POC1B: variants seen among roughly 807,000 people sequenced by gnomAD.
POC1B encodes the protein POC1 centriolar protein B.
POC1B carries 44 observed loss-of-function variants against 60.6 expected under a neutral mutation model. The observed-to-expected ratio is 0.73, with a 90% CI of 0.57 to 0.93. The LOEUF is 0.93. POC1B is among the 40% of genes least tolerant of loss of function. POC1B has a pLI of 0.00. For missense variants in POC1B, 555 were observed against 572.3 expected (o/e 0.97, Z 0.31); for synonymous variants, 180 against 198.9 (o/e 0.90, Z 0.80).
downstream of POC1B, among the ~76,000 whole-genome samples, chr12:89,416,482 G>A (rs1164145472): frequency 3.3e-5 from 5 of 152,180 alleles, no homozygotes; most frequent in South Asian, 2.1e-4. Context: ...AGGCATGCTC[G>A]GAAAATAACC....
At chr12:89,422,106 A>G (rs1441209977) in intron 11 of POC1B, among the ~76,000 whole-genome samples, 1 of 152,078 alleles carries the variant, frequency 6.6e-6, no homozygotes, top group African/African-American at 2.4e-5. Context: ...CACAAGGTAC[A>G]TGTGTTATTT....
At chr12:89,500,849 T>C in intron 2 of POC1B, 6 of 1,058,304 alleles carry the variant, frequency 5.7e-6, no homozygotes, top group Non-Finnish European at 8.5e-6. Flanking sequence ...GAATACGACA[T>C]TCAGAATATG....
At chr12:89,480,603 T>A (rs868849960) in intron 4 of POC1B, among the ~76,000 whole-genome samples, 1 of 138,406 alleles carries the variant, frequency 7.2e-6, no homozygotes, top group Admixed American at 7.2e-5. Context: ...GTATTTTTTT[T>A]TTTTTTTTTT....
rs902293817 is a variant in POC1B at position 89,526,047 on chromosome 12, C to A, written c.-152G>T. ...GTCACTACAACAACGGCGGCCCAGT[C>A]AAACCCCGCGCTCCAGGCATGGCCA... is the stretch of plus-strand genomic sequence containing the variant. On this transcript the variant is annotated 5_prime_UTR_variant, in exon 1 of 12. Coordinates refer to ENST00000313546, the MANE Select transcript of POC1B (RefSeq NM_172240.3). 2.0e-6 allele frequency: 3 copies of A among 1,533,634 alleles called. No homozygotes were observed. Among genetic ancestry groups the A allele is most frequent in the South Asian group, 1.2e-5 (1 of 83,558 alleles).
At chr12:89,498,146 T>C (rs1052891165) in intron 2 of POC1B, among the ~76,000 whole-genome samples, 15 of 152,234 alleles carry the variant, frequency 9.9e-5, no homozygotes, top group African/African-American at 3.6e-4. Flanking sequence ...GATCCAATAA[T>C]ACTTTTATAG....
chr12:89,402,958 G>A, the POC1B span, among the ~76,000 whole-genome samples: 8 of 149,364 alleles, frequency 5.4e-5, no homozygotes, highest in Non-Finnish European at 7.4e-5. Flanking sequence ...CCTCTGCCTC[G>A]CACAGTGCTG....
intron 2 of POC1B, chr12:89,520,240 GAATT>G (rs1870733191): frequency 6.6e-6 from 1 of 152,018 alleles, no homozygotes. Context: ...AGTCAATAAA[GAATT>G]AAGGTACTTT....
chr12:89,450,956 A>G (rs1409753269), intron 10 of POC1B, among the ~76,000 whole-genome samples: 3 of 152,210 alleles, frequency 2.0e-5, no homozygotes, highest in Non-Finnish European at 4.4e-5. Flanking sequence ...TGTAAATGCT[A>G]AAAGGGAGCT....
chr12:89,431,836 A>C (rs1881043515), intron 10 of POC1B, among the ~76,000 whole-genome samples: 1 of 152,190 alleles, frequency 6.6e-6, no homozygotes, highest in Non-Finnish European at 1.5e-5. Context: ...TGCAAGTCCA[A>C]AACAGGATTA....
intron 4 of POC1B, among the ~76,000 whole-genome samples, chr12:89,490,335 T>C (rs1233532798): frequency 3.3e-5 from 5 of 152,038 alleles, no homozygotes; most frequent in African/African-American, 1.2e-4. Context: ...TTGTTGTTGT[T>C]GTTGTTTGTT....
chr12:89,425,423 CT>C lies in POC1B; in HGVS notation c.1114-45del, dbSNP rs758391630. 6 of 1,507,710 alleles carry C rather than the reference CT, an allele frequency of 4.0e-6. No homozygotes were observed. In the African/African-American group the frequency reaches 8.4e-5, roughly 21 times the overall value. 93.4% of individuals were successfully genotyped at this position (1,507,710 alleles called of 1,614,324 possible). ...TGTAGGAAGAGTTATATTTTCCAAA[CT>C]TTAAAATGATATATATAAAAGTTTA... On this transcript the variant is annotated intron_variant, in intron 10 of 11. Coordinates refer to ENST00000313546, the MANE Select transcript of POC1B (RefSeq NM_172240.3).
chr12:89,439,972 ATTAC>A (rs1028020496), intron 10 of POC1B, among the ~76,000 whole-genome samples: 89 of 152,296 alleles, frequency 5.8e-4, no homozygotes, highest in African/African-American at 2.1e-3. Context: ...GATCCCACAC[ATTAC>A]TGCCTTCAAT....
chr12:89,446,197 G>A (rs936133010), intron 10 of POC1B, among the ~76,000 whole-genome samples: 54 of 152,286 alleles, frequency 3.5e-4, no homozygotes, highest in Middle Eastern at 6.8e-3. Flanking sequence ...ACAGTGTGGC[G>A]ATTCCTCAAG....
chr12:89,457,073 C>A (rs1882291421), intron 10 of POC1B, among the ~76,000 whole-genome samples: 1 of 152,106 alleles, frequency 6.6e-6, no homozygotes, highest in Non-Finnish European at 1.5e-5. Context: ...ACTACAATAA[C>A]AATAACAAAA....
rs1264720891 is a variant in POC1B at position 89,525,944 on chromosome 12, G to A, written c.-49C>T. 3 of 1,536,660 alleles carry A rather than the reference G, an allele frequency of 2.0e-6. No homozygotes were observed. Among genetic ancestry groups the A allele is most frequent in the Admixed American group, 2.0e-5 (1 of 49,770 alleles). Reference sequence around the variant, plus strand: ...TCCTGTGGGTGGGGGAACCCGGAGAGGGGAGGGGAGAGGATGGGGAAGGAG... The same window carrying A: ...TCCTGTGGGTGGGGGAACCCGGAGAAGGGAGGGGAGAGGATGGGGAAGGAG... On this transcript the variant is annotated 5_prime_UTR_variant, in exon 1 of 12. Transcript: ENST00000313546.
the POC1B span, among the ~76,000 whole-genome samples, chr12:89,410,005 A>G: frequency 6.6e-6 from 1 of 152,192 alleles, no homozygotes; most frequent in Non-Finnish European, 1.5e-5. Context: ...ACAACAAAAA[A>G]AGAAAATTTC....
At chr12:89,481,020 G>A (rs1868350867) in intron 4 of POC1B, among the ~76,000 whole-genome samples, 1 of 152,130 alleles carries the variant, frequency 6.6e-6, no homozygotes, top group African/African-American at 2.4e-5. Flanking sequence ...ACAGGTGTGA[G>A]CCACCTGGCC....
chr12:89,524,515 C>T, intron 2 of POC1B: 2 of 1,612,056 alleles, frequency 1.2e-6, no homozygotes, highest in Non-Finnish European at 1.7e-6. Flanking sequence ...CAGCAGCAGG[C>T]AGCTCTTGCC....
intron 9 of POC1B, chr12:89,461,132 TA>T (rs11323565): frequency 0.96 from 143,670 of 148,948 alleles, 69,456 homozygotes; most frequent in East Asian, 1. Flanking sequence ...GCTGATGAGC[TA>T]AAAAAAAAAA....
Sources: gnomAD v4.1 joint callset for allele counts (sites outside exome capture counted in the v4.1 genomes callset) on GRCh38, gnomAD v4.1.1 for gene constraint, MANE v1.5 for transcripts, NCBI Gene and HGNC (gene_info 2026-07-23, HGNC 2026-07-21) for gene names.